Variants in C8A observed in about 807,000 individuals in gnomAD.
The protein encoded by C8A is complement C8 alpha chain.
In C8A, 67 loss-of-function variants were observed where a neutral mutation model predicts 65.3. The ratio of observed to expected loss-of-function variants is 1.03; its 90% CI spans 0.84 to 1.26. The LOEUF is 1.26. Ranked by LOEUF, C8A falls within the 50% of genes most tolerant of loss-of-function variation. C8A has a pLI of 0.00. For synonymous variants in C8A, 290 were observed against 259.4 expected, an observed-to-expected ratio of 1.12 and a Z score of -1.13; for missense variants, 781 against 723.9, an observed-to-expected ratio of 1.08 and a Z score of -0.90.
chr1:56,881,505 C>A lies in C8A; in HGVS notation c.525C>A (p.Gly175=), dbSNP rs761109115. Residue 175 remains glycine (G), a synonymous_variant, in exon 5 of 11, where the codon GGC becomes GGA. Coordinates refer to ENST00000361249, the MANE Select transcript of C8A (RefSeq NM_000562.3). ...QSVYDASYYG[G]QCETVYNGEW... Reference sequence around the variant, plus strand: ...TGTACGATGCCAGTTATTATGGGGGCCAGTGTGAGACGGTATACAATGGGG... The same window carrying A: ...TGTACGATGCCAGTTATTATGGGGGACAGTGTGAGACGGTATACAATGGGG... 1 of 1,613,730 alleles carries A rather than the reference C, an allele frequency of 6.2e-7. No individual in the cohort carries two copies. Among genetic ancestry groups the A allele is most frequent in the South Asian group, 1.1e-5 (1 of 91,066 alleles).
At position 56,864,822 on chromosome 1, in the gene C8A, C is replaced by T. The variant is rs186918542; in HGVS notation, c.78-2787C>T. 7.2e-5 allele frequency among the ~76,000 whole-genome samples: 11 copies of T among 152,240 alleles called. No homozygotes were observed. In the East Asian group the frequency reaches 2.1e-3, roughly 29 times the overall value. On this transcript the variant is annotated intron_variant, in intron 1 of 10. Coordinates refer to ENST00000361249, the MANE Select transcript of C8A (RefSeq NM_000562.3). ...GTGTGTTCTTTAGACCCCAGAAAGT[C>T]CCCACCATCTTCTCAGGGGAACTGT...
At position 56,900,581 on chromosome 1, in the gene C8A, C is replaced by G. The variant is rs139632544; in HGVS notation, c.1097-6086C>G. ...TGTAAGATGGGTAAATTCTCCTTGT[C>G]CCAGAATATTGTTCAGAGTCTCCAA... On this transcript the variant is annotated intron_variant, in intron 7 of 10. Coordinates refer to ENST00000361249, the MANE Select transcript of C8A (RefSeq NM_000562.3). 2.6e-5 allele frequency among the ~76,000 whole-genome samples: 4 copies of G among 152,184 alleles called. No homozygotes were observed. In the South Asian group the frequency reaches 8.3e-4, roughly 32 times the overall value.
At chr1:56,866,170 A>G (rs946873986) in intron 1 of C8A, among the ~76,000 whole-genome samples, 2 of 152,220 alleles carry the variant, frequency 1.3e-5, no homozygotes, top group African/African-American at 4.8e-5. Context: ...TTCTTCATAG[A>G]TTTCAACCAA....
At chr1:56,859,724 T>C (rs1198878120) in intron 1 of C8A, among the ~76,000 whole-genome samples, 2 of 151,910 alleles carry the variant, frequency 1.3e-5, no homozygotes, top group African/African-American at 4.8e-5. Flanking sequence ...TCATAGGATT[T>C]ACAGTGTAGC....
intron 3 of C8A, 94 bp downstream of exon 3, chr1:56,875,187 G>A (rs2269118): frequency 0.19 from 272,465 of 1,424,606 alleles, 29,135 homozygotes; most frequent in East Asian, 0.38. Context: ...ATACTCCTGA[G>A]CCCTTCCTCT....
At chr1:56,880,756 T>C (rs1224435929) in intron 4 of C8A, among the ~76,000 whole-genome samples, 2 of 152,188 alleles carry the variant, frequency 1.3e-5, no homozygotes, top group African/African-American at 2.4e-5. Flanking sequence ...ATTCAGTCCT[T>C]AATGTATGCT....
At chr1:56,857,303 T>TACACACAC (rs71048450) in intron 1 of C8A, among the ~76,000 whole-genome samples, 5,605 of 148,846 alleles carry the variant, frequency 0.038, 143 homozygotes, top group South Asian at 0.1. Context: ...TGTTATTAAA[T>TACACACAC]ACACACACAC....
At chr1:56,900,415 C>A (rs553284079) in intron 7 of C8A, among the ~76,000 whole-genome samples, 4 of 152,092 alleles carry the variant, frequency 2.6e-5, no homozygotes, top group African/African-American at 9.7e-5. Context: ...TTATCATTCC[C>A]GTTTTAAAGA....
At chr1:56,911,192 G>T (rs1644503068) in intron 9 of C8A, among the ~76,000 whole-genome samples, 1 of 151,666 alleles carries the variant, frequency 6.6e-6, no homozygotes, top group African/African-American at 2.4e-5. Flanking sequence ...AGAAATCTGG[G>T]AATTAAGTAT....
intron 7 of C8A, among the ~76,000 whole-genome samples, chr1:56,888,299 G>A (rs1040275759): frequency 2.6e-5 from 4 of 151,984 alleles, no homozygotes; most frequent in Non-Finnish European, 5.9e-5. Flanking sequence ...TTAGATTCCT[G>A]GCTAGAGTCA....
chr1:56,871,168 A>G (rs1442420898), intron 2 of C8A, among the ~76,000 whole-genome samples: 3 of 152,310 alleles, frequency 2.0e-5, no homozygotes, highest in African/African-American at 7.2e-5. Context: ...GTACCAGACA[A>G]TTGTGCAAAT....
At chr1:56,859,289 A>G (rs1033043570) in intron 1 of C8A, among the ~76,000 whole-genome samples, 5 of 152,270 alleles carry the variant, frequency 3.3e-5, no homozygotes, top group Admixed American at 3.3e-4. Context: ...ATTATATGAG[A>G]TAATATATTC....
chr1:56,910,944 A>C (rs1055168411), intron 9 of C8A, among the ~76,000 whole-genome samples: 1 of 152,156 alleles, frequency 6.6e-6, no homozygotes, highest in Non-Finnish European at 1.5e-5. Flanking sequence ...TGGGGGCCTC[A>C]GGTTCCTCTC....
intron 7 of C8A, among the ~76,000 whole-genome samples, chr1:56,894,004 C>A (rs780974067): frequency 1.1e-4 from 16 of 152,078 alleles, no homozygotes; most frequent in Non-Finnish European, 1.9e-4. Flanking sequence ...TGGCATAGTG[C>A]CTGACACAGA....
rs567647152 is a variant in C8A at position 56,903,719 on chromosome 1, A to G, written c.1097-2948A>G. On this transcript the variant is annotated intron_variant, in intron 7 of 10. Transcript: ENST00000361249. ...TGGCAAGCCACCAGAGATACTCTGT[A>G]GGACCACCATACTCAACATCTGATC... Among the ~76,000 whole-genome samples the G allele has an allele frequency of 4.7e-4, 71 of 152,370 alleles. No homozygotes were observed. In the South Asian group the frequency reaches 0.014, roughly 31 times the overall value.
chr1:56,886,038 G>T lies in C8A; in HGVS notation c.967G>T (p.Asp323Tyr). 6.2e-7 allele frequency: 1 copy of T among 1,614,068 alleles called. No homozygotes were observed. Among genetic ancestry groups the T allele is most frequent in the Non-Finnish European group, 8.5e-7 (1 of 1,179,952 alleles). Residue 323 changes from aspartate to tyrosine, a missense_variant, in exon 7 of 11, where the codon GAT becomes TAT. Transcript: ENST00000361249. ...GMLQSLMELP[D>Y]QYNYGMYAKF... The stretch of plus-strand genomic sequence containing the variant: ...GCTGCAGTCATTAATGGAGCTTCCA[G>T]ATCAGTACAATTATGGCATGTATGC...
chr1:56,872,057 C>A (rs561949658), intron 2 of C8A, among the ~76,000 whole-genome samples: 4 of 152,252 alleles, frequency 2.6e-5, no homozygotes, highest in South Asian at 4.2e-4. Context: ...GGTATCCTGG[C>A]ACCAAGTTTC....
intron 7 of C8A, among the ~76,000 whole-genome samples, chr1:56,902,151 T>G (rs1644431730): frequency 6.6e-6 from 1 of 152,168 alleles, no homozygotes; most frequent in Non-Finnish European, 1.5e-5. Flanking sequence ...CTTGGTCTCC[T>G]GCAATGGTGA....
Position 56,907,613 on chromosome 1 carries a change from T to C in C8A, c.1223-343T>C, listed in dbSNP as rs149202052. On this transcript the variant is annotated intron_variant, in intron 8 of 10. Transcript: ENST00000361249. Reference sequence around the variant, plus strand: ...ACCTATAGCACCTATAATATTTGATTGAACCTATTCGGCATATAGCAGGCA... The same window carrying C: ...ACCTATAGCACCTATAATATTTGATCGAACCTATTCGGCATATAGCAGGCA... 2.6e-5 allele frequency among the ~76,000 whole-genome samples: 4 copies of C among 152,320 alleles called. No homozygotes were observed. In the East Asian group the frequency reaches 7.7e-4, roughly 29 times the overall value.
Sources: allele counts gnomAD v4.1 joint callset (sites outside exome capture counted in the v4.1 genomes callset), GRCh38; gene constraint gnomAD v4.1.1; transcripts MANE v1.5; gene names NCBI Gene and HGNC (gene_info 2026-07-23, HGNC 2026-07-21).